Variants in SLC5A4 observed in about 807,000 individuals in gnomAD.
SLC5A4 encodes probable glucose sensor protein SLC5A4.
Under a neutral mutation model 70.3 loss-of-function variants are expected in SLC5A4, and 55 were observed. That is an observed-to-expected ratio of 0.78 (90% CI 0.63 to 0.98). SLC5A4 has a LOEUF of 0.98. Ranked by LOEUF, SLC5A4 falls within the 50% of genes least tolerant of loss-of-function variation. SLC5A4 has a pLI of 0.00. For synonymous variants in SLC5A4, 268 were observed against 305.7 expected (o/e 0.88, Z 1.29); for missense variants, 735 against 839.2 (o/e 0.88, Z 1.53).
Position 32,229,221 on chromosome 22 carries a change from G to A in SLC5A4, c.1253C>T (p.Ser418Leu), listed in dbSNP as rs180925414. The A allele has an allele frequency of 3.3e-5, 54 of 1,614,088 alleles. No individual in the cohort carries two copies. In the Admixed American group the frequency reaches 4.0e-4, roughly 12 times the overall value. The part of the protein sequence containing the change: ...DLYTKMRKQA[S>L]EKELLIAGRI... ...TCCAGCTATCAGGAGCTCTTTCTCC[G>A]ACGCTTGCTTCCGCATCTTGGTGTA... The change falls in exon 11 of 15, where the codon TCG becomes TTG. Residue 418 changes from serine to leucine, a missense_variant. By Grantham distance (145) the Ser-to-Leu change is moderately radical. Transcript: ENST00000266086.
chr22:32,258,263 T>G (rs939463062), upstream of SLC5A4, among the ~76,000 whole-genome samples: 1 of 152,214 alleles, frequency 6.6e-6, no homozygotes, highest in Admixed American at 6.5e-5. Flanking sequence ...TCTTTTCCAA[T>G]TAGAATGCCT....
chr22:32,239,534 A>ATT lies in SLC5A4; in HGVS notation c.478-445_478-444insAA, dbSNP rs1186233542. ...GAGTGCATATTATATATATATATAT[A>ATT]TATATATATATATATATATATATAT... is the stretch of plus-strand genomic sequence containing the variant. On this transcript the variant is annotated intron_variant, in intron 5 of 14. Coordinates refer to ENST00000266086, the MANE Select transcript of SLC5A4 (RefSeq NM_014227.3). 4.3e-3 allele frequency among the ~76,000 whole-genome samples: 50 copies of ATT among 11,620 alleles called. 2 individuals carry two copies. Among genetic ancestry groups the ATT allele is most frequent in the African/African-American group, 5.5e-3 (6 of 1,100 alleles). The allele number at this position is 11,620 out of a possible 152,430, so 7.6% of individuals were successfully genotyped here.
At chr22:32,234,572 A>T (rs1278131267) in intron 8 of SLC5A4, among the ~76,000 whole-genome samples, 1 of 152,020 alleles carries the variant, frequency 6.6e-6, no homozygotes, top group Non-Finnish European at 1.5e-5. Context: ...GGTGGTGCAC[A>T]TCTGTAATCC....
At chr22:32,348,635 T>C in the SLC5A4 span, among the ~76,000 whole-genome samples, 1 of 152,230 alleles carries the variant, frequency 6.6e-6, no homozygotes, top group Non-Finnish European at 1.5e-5. Flanking sequence ...ATAATAAAAT[T>C]TTATGAATCT....
the SLC5A4 span, among the ~76,000 whole-genome samples, chr22:32,297,908 T>G: frequency 9.8e-6 from 1 of 102,404 alleles, no homozygotes; most frequent in South Asian, 3.8e-4. Flanking sequence ...CATTTCGTTA[T>G]GTACCCAGTA....
chr22:32,340,243 T>C, the SLC5A4 span, among the ~76,000 whole-genome samples: 1 of 152,200 alleles, frequency 6.6e-6, no homozygotes, highest in Non-Finnish European at 1.5e-5. Context: ...CTTAGCTCAG[T>C]GAGCCCTCAA....
intron 5 of SLC5A4, among the ~76,000 whole-genome samples, chr22:32,245,860 C>T (rs533949304): frequency 1.2e-4 from 18 of 152,192 alleles, no homozygotes; most frequent in Non-Finnish European, 2.1e-4. Flanking sequence ...GATGTCAGCA[C>T]CAGAGGACAA....
At chr22:32,279,072 G>C in the SLC5A4 span, among the ~76,000 whole-genome samples, 3 of 151,696 alleles carry the variant, frequency 2.0e-5, no homozygotes, top group Non-Finnish European at 4.4e-5. Context: ...GTCAGGAGAT[G>C]GAGACCATCC....
At chr22:32,258,958 A>C (rs1927619055), upstream of SLC5A4, among the ~76,000 whole-genome samples, 1 of 152,218 alleles carries the variant, frequency 6.6e-6, no homozygotes, top group Non-Finnish European at 1.5e-5. Flanking sequence ...TGCTCAGTGA[A>C]ATAACCTGTC....
chr22:32,272,725 C>T, the SLC5A4 span: 2 of 508,586 alleles, frequency 3.9e-6, no homozygotes, highest in Non-Finnish European at 7.4e-6. Context: ...CACATGAACG[C>T]ATTCTATAGG....
chr22:32,239,551 T>G (rs866964387), intron 5 of SLC5A4, among the ~76,000 whole-genome samples: 3 of 14,956 alleles, frequency 2.0e-4, no homozygotes, highest in African/African-American at 1.8e-3. Context: ...TATATATATA[T>G]ATATATATAT....
At chr22:32,298,252 G>T in the SLC5A4 span, among the ~76,000 whole-genome samples, 1 of 137,840 alleles carries the variant, frequency 7.3e-6, no homozygotes, top group African/African-American at 2.7e-5. Flanking sequence ...TTGACAGTGG[G>T]GTGTTAAAGT....
At chr22:32,328,160 T>C in the SLC5A4 span, among the ~76,000 whole-genome samples, 1 of 151,846 alleles carries the variant, frequency 6.6e-6, no homozygotes, top group East Asian at 1.9e-4. Flanking sequence ...ACACCAACTG[T>C]TGACTTTTCC....
At chr22:32,255,165 C>T (rs926820130) in intron 1 of SLC5A4, 30 bp downstream of exon 1, 4 of 1,610,480 alleles carry the variant, frequency 2.5e-6, no homozygotes, top group Admixed American at 1.7e-5. Flanking sequence ...ACCTTGTGCC[C>T]ACCCTAAAAG....
chr22:32,239,562 A>ATATATATATT (rs1926343297), intron 5 of SLC5A4, among the ~76,000 whole-genome samples: 2 of 20,512 alleles, frequency 9.8e-5, no homozygotes, highest in Non-Finnish European at 1.9e-4. Context: ...ATATATATAT[A>ATATATATATT]TATATATTTA....
At chr22:32,289,438 C>T in the SLC5A4 span, among the ~76,000 whole-genome samples, 1 of 152,110 alleles carries the variant, frequency 6.6e-6, no homozygotes, top group Admixed American at 6.5e-5. Flanking sequence ...TGAGTGAGTT[C>T]TCAGGAGATC....
At chr22:32,331,349 G>T in the SLC5A4 span, among the ~76,000 whole-genome samples, 5 of 152,000 alleles carry the variant, frequency 3.3e-5, no homozygotes, top group African/African-American at 1.2e-4. Context: ...AAAATGGCAA[G>T]AAAAACGCCG....
the SLC5A4 span, among the ~76,000 whole-genome samples, chr22:32,300,456 G>C: frequency 6.6e-6 from 1 of 152,150 alleles, no homozygotes; most frequent in Non-Finnish European, 1.5e-5. Flanking sequence ...CTTTGACTCA[G>C]AAAGGGCACT....
At chr22:32,299,484 G>A in the SLC5A4 span, among the ~76,000 whole-genome samples, 51 of 103,340 alleles carry the variant, frequency 4.9e-4, no homozygotes, top group Non-Finnish European at 6.6e-4. Context: ...TGTAGTTCTC[G>A]AGCCTTGGTT....
Sources: allele counts gnomAD v4.1 joint callset (sites outside exome capture counted in the v4.1 genomes callset), GRCh38; gene constraint gnomAD v4.1.1; transcripts MANE v1.5; gene names NCBI Gene and HGNC (gene_info 2026-07-23, HGNC 2026-07-21).